Variants in TLL1 observed in about 807,000 individuals in gnomAD.
TLL1 encodes tolloid like 1.
TLL1 carries 49 observed loss-of-function variants against 128.2 expected under a neutral mutation model. That is an observed-to-expected ratio of 0.38 (90% CI 0.30 to 0.48). TLL1 has a LOEUF of 0.48. TLL1 is among the 20% of genes least tolerant of loss of function. TLL1 has a pLI of 0.96. For synonymous variants in TLL1, 454 were observed against 418.8 expected (o/e 1.08, Z -1.03); for missense variants, 1,123 against 1,242.0 (o/e 0.90, Z 1.44).
chr4:165,955,869 T>C (rs529968531), intron 1 of TLL1, among the ~76,000 whole-genome samples: 1 of 152,212 alleles, frequency 6.6e-6, no homozygotes, highest in South Asian at 2.1e-4. Context: ...TTCTTTCTAT[T>C]TTCCATAAGT....
At chr4:166,099,855 A>G (rs552734651) in intron 20 of TLL1, among the ~76,000 whole-genome samples, 2 of 152,156 alleles carry the variant, frequency 1.3e-5, no homozygotes, top group African/African-American at 2.4e-5. Flanking sequence ...CACACACACC[A>G]TAGACAATTC....
Position 166,100,926 on chromosome 4 carries a change from A to C in TLL1, c.*50A>C. On this transcript the variant is annotated 3_prime_UTR_variant, in exon 21 of 21. Coordinates refer to ENST00000061240, the MANE Select transcript of TLL1 (RefSeq NM_012464.5). ...AAGGAATGTGCATAATGGAGAGAAG[A>C]CATATTTTTTTTAAAACTGAAGATA... 6.2e-7 allele frequency: 1 copy of C among 1,602,692 alleles called. No individual in the cohort carries two copies. The highest frequency in any genetic ancestry group is 8.5e-7 in the Non-Finnish European group (1 of 1,174,060).
At chr4:165,964,812 C>T (rs1446905509) in intron 1 of TLL1, among the ~76,000 whole-genome samples, 3 of 152,100 alleles carry the variant, frequency 2.0e-5, no homozygotes, top group Non-Finnish European at 4.4e-5. Flanking sequence ...TGGTGCATGA[C>T]AGTAGTCCTA....
chr4:165,974,333 G>C (rs541235263), intron 1 of TLL1, among the ~76,000 whole-genome samples: 1 of 131,942 alleles, frequency 7.6e-6, no homozygotes, highest in Admixed American at 7.1e-5. Context: ...ATAGAGACGG[G>C]GTTTCACCGT....
chr4:166,053,303 C>T (rs754048906), intron 12 of TLL1: 2 of 151,998 alleles, frequency 1.3e-5, no homozygotes, highest in Non-Finnish European at 2.9e-5. Flanking sequence ...GCCATCTTCT[C>T]ACACTTCTTA....
intron 12 of TLL1, among the ~76,000 whole-genome samples, chr4:166,052,961 A>ATGTGTG (rs139204407): frequency 0.069 from 7,540 of 109,130 alleles, 845 homozygotes; most frequent in African/African-American, 0.12. Context: ...ATAAGAGGTT[A>ATGTGTG]TGTGTATATA....
At chr4:165,971,412 C>T (rs374248672) in intron 1 of TLL1, among the ~76,000 whole-genome samples, 11 of 152,316 alleles carry the variant, frequency 7.2e-5, no homozygotes, top group Middle Eastern at 3.4e-3. Flanking sequence ...ACTCCATTCC[C>T]ATTGTTGTGT....
intron 8 of TLL1, among the ~76,000 whole-genome samples, chr4:166,022,111 A>G (rs542650692): frequency 3.9e-5 from 6 of 152,234 alleles, no homozygotes; most frequent in Non-Finnish European, 7.4e-5. Context: ...AAATTTACCA[A>G]CTACTAAGTT....
intron 16 of TLL1, among the ~76,000 whole-genome samples, chr4:166,070,126 A>C (rs1740746119): frequency 6.6e-6 from 1 of 151,838 alleles, no homozygotes; most frequent in Non-Finnish European, 1.5e-5. Context: ...TTGCTAGATT[A>C]ACAATAATGA....
chr4:166,069,812 C>T (rs973769794), intron 16 of TLL1, among the ~76,000 whole-genome samples: 2 of 151,644 alleles, frequency 1.3e-5, no homozygotes, highest in Non-Finnish European at 3.0e-5. Context: ...CATAAAAATG[C>T]TGTAGCTTAA....
At chr4:165,926,322 A>G (rs1476126122) in intron 1 of TLL1, among the ~76,000 whole-genome samples, 1 of 152,204 alleles carries the variant, frequency 6.6e-6, no homozygotes, top group African/African-American at 2.4e-5. Context: ...AGGATGGGGA[A>G]GATTTCTGGT....
At chr4:166,049,490 A>C (rs1179711303) in intron 12 of TLL1, among the ~76,000 whole-genome samples, 3 of 152,160 alleles carry the variant, frequency 2.0e-5, no homozygotes, top group Non-Finnish European at 1.5e-5. Flanking sequence ...GTTTACAATA[A>C]AATTATTAAA....
At chr4:166,059,002 T>C (rs1740158652) in intron 14 of TLL1, among the ~76,000 whole-genome samples, 1 of 152,056 alleles carries the variant, frequency 6.6e-6, no homozygotes, top group South Asian at 2.1e-4. Flanking sequence ...CTTCCCCCTT[T>C]ACTAGAATAA....
intron 1 of TLL1, among the ~76,000 whole-genome samples, chr4:165,933,901 C>A (rs894543088): frequency 2.0e-5 from 3 of 152,170 alleles, no homozygotes; most frequent in Non-Finnish European, 2.9e-5. Flanking sequence ...TGCTGCTCCT[C>A]TTATCCCTCA....
At chr4:165,910,730 A>G (rs545306506) in intron 1 of TLL1, among the ~76,000 whole-genome samples, 2 of 152,244 alleles carry the variant, frequency 1.3e-5, no homozygotes, top group African/African-American at 4.8e-5. Flanking sequence ...ACAATGCATT[A>G]TGTCAAATAA....
At chr4:165,896,102 GC>G (rs1731665719) in intron 1 of TLL1, among the ~76,000 whole-genome samples, 1 of 151,916 alleles carries the variant, frequency 6.6e-6, no homozygotes, top group Non-Finnish European at 1.5e-5. Context: ...CCCCCAAGAG[GC>G]CCCGGTGTGT....
chr4:165,911,952 T>A (rs1490994607), intron 1 of TLL1, among the ~76,000 whole-genome samples: 3 of 152,128 alleles, frequency 2.0e-5, no homozygotes, highest in African/African-American at 7.2e-5. Context: ...CTTGGCTCAC[T>A]GCAAGCTCTG....
At chr4:165,907,661 G>A (rs558382486) in intron 1 of TLL1, among the ~76,000 whole-genome samples, 1 of 150,940 alleles carries the variant, frequency 6.6e-6, no homozygotes, top group South Asian at 2.1e-4. Context: ...CGATTCTCCT[G>A]TCTCAGCCTC....
chr4:165,975,844 C>T (rs1471344389), intron 1 of TLL1, among the ~76,000 whole-genome samples: 1 of 151,766 alleles, frequency 6.6e-6, no homozygotes, highest in Non-Finnish European at 1.5e-5. Flanking sequence ...TCGAGACCAG[C>T]CTGGCCAGTA....
Sources: allele counts gnomAD v4.1 joint callset (sites outside exome capture counted in the v4.1 genomes callset), GRCh38; gene constraint gnomAD v4.1.1; transcripts MANE v1.5; gene names NCBI Gene and HGNC (gene_info 2026-07-23, HGNC 2026-07-21).